The following C11orf65 variants were observed in gnomAD, a reference collection of about 807,000 sequenced individuals.
C11orf65 encodes protein MFI.
C11orf65 carries 38 observed loss-of-function variants against 35.3 expected under a neutral mutation model. The ratio of observed to expected loss-of-function variants is 1.08; its 90% CI spans 0.83 to 1.41. C11orf65 has a LOEUF of 1.41. C11orf65 is among the 40% of genes most tolerant of loss of function. The probability of loss-of-function intolerance (pLI) is 0.00; values close to 1 mark genes in which losing one functional copy is unlikely to be tolerated. For synonymous variants in C11orf65, 105 were observed against 114.4 expected, an observed-to-expected ratio of 0.92 and a Z score of 0.53; for missense variants, 370 against 367.1, an observed-to-expected ratio of 1.01 and a Z score of -0.06.
intron 5 of C11orf65, 66 bp downstream of exon 5, chr11:108,406,697 A>T: frequency 9.7e-7 from 1 of 1,034,966 alleles, no homozygotes; most frequent in Non-Finnish European, 1.3e-6. Flanking sequence ...TTTAAAATTA[A>T]TTTTTGAAAA....
At chr11:108,450,322 C>G (rs1388844248) in intron 2 of C11orf65, among the ~76,000 whole-genome samples, 1 of 151,742 alleles carries the variant, frequency 6.6e-6, no homozygotes, top group African/African-American at 2.4e-5. Context: ...GACACATGCA[C>G]ACGTATGTTT....
chr11:108,337,218 G>A (rs1041852720), intron 2 of C11orf65, among the ~76,000 whole-genome samples: 1 of 152,086 alleles, frequency 6.6e-6, no homozygotes, highest in Non-Finnish European at 1.5e-5. Context: ...GTTGGGAGAG[G>A]GGCATACTGT....
At chr11:108,456,218 T>G (rs1007271677) in intron 2 of C11orf65, among the ~76,000 whole-genome samples, 1 of 152,114 alleles carries the variant, frequency 6.6e-6, no homozygotes. Context: ...AGAAACACTT[T>G]ACATATATGA....
At chr11:108,339,708 A>G (rs2136821072) in intron 2 of C11orf65, among the ~76,000 whole-genome samples, 1 of 152,232 alleles carries the variant, frequency 6.6e-6, no homozygotes. Context: ...TTCTGTATCA[A>G]TCTCTCAACA....
intron 3 of C11orf65, 76 bp downstream of exon 3, chr11:108,431,670 G>A (rs1591540242): frequency 5.4e-6 from 4 of 741,172 alleles, no homozygotes; most frequent in Non-Finnish European, 6.1e-6. Context: ...CAAATATGAT[G>A]AGCACACTGA....
At chr11:108,432,173 G>A (rs2092999392) in intron 2 of C11orf65, among the ~76,000 whole-genome samples, 1 of 152,146 alleles carries the variant, frequency 6.6e-6, no homozygotes, top group Non-Finnish European at 1.5e-5. Context: ...GAACCACTGA[G>A]TATGGGATAC....
At chr11:108,350,022 G>C (rs777194732) in intron 2 of C11orf65, among the ~76,000 whole-genome samples, 2 of 152,130 alleles carry the variant, frequency 1.3e-5, no homozygotes, top group Non-Finnish European at 2.9e-5. Context: ...ATGCTCATTT[G>C]CTAAGAATTG....
Position 108,316,594 on chromosome 11 carries a change from T to TA in C11orf65, c.641-7524_641-7523insT, listed in dbSNP as rs2084670106. On this transcript the variant is annotated intron_variant, in intron 6 of 6. Transcript: ENST00000525729. ...CTATTTTTGTGTTTTTTGGGAAACA[T>TA]TAAACGATATTTTGGGATTAAAAAA... Among the ~76,000 whole-genome samples, 7 of 152,108 alleles carry TA rather than the reference T, an allele frequency of 4.6e-5. No homozygotes were observed. The South Asian group carries it at 1.5e-3, about 32-fold the overall frequency.
chr11:108,332,008 G>A lies in C11orf65; in HGVS notation c.300-441C>T, dbSNP rs1285491916. On this transcript the variant is annotated intron_variant, in intron 3 of 3. Coordinates refer to the C11orf65 transcript ENST00000524755. ...CAGAAGAAGCAGAATAACTAAAAATGTGCCTAAACAAAGCTCTCAGCTTGA... is the reference window on the plus strand; with the variant it reads ...CAGAAGAAGCAGAATAACTAAAAATATGCCTAAACAAAGCTCTCAGCTTGA... 1 of 1,613,980 alleles carries A rather than the reference G, an allele frequency of 6.2e-7. No homozygotes were observed. Among genetic ancestry groups the A allele is most frequent in the Non-Finnish European group, 8.5e-7 (1 of 1,179,928 alleles).
chr11:108,398,820 G>A (rs959973634), intron 6 of C11orf65, among the ~76,000 whole-genome samples: 1 of 152,184 alleles, frequency 6.6e-6, no homozygotes, highest in East Asian at 1.9e-4. Context: ...GATGGATAAC[G>A]CATTCTGTTA....
intron 2 of C11orf65, chr11:108,366,923 A>G (rs2091361296): frequency 4.5e-6 from 1 of 223,976 alleles, no homozygotes; most frequent in African/African-American, 2.2e-5. Flanking sequence ...TGGGTTAATG[A>G]GACTGGCAAA....
intron 3 of C11orf65, among the ~76,000 whole-genome samples, chr11:108,409,145 A>G (rs2138704329): frequency 6.6e-6 from 1 of 152,268 alleles, no homozygotes; most frequent in African/African-American, 2.4e-5. Flanking sequence ...ATAAATCTCT[A>G]AGATTCGTGT....
chr11:108,316,248 G>A, intron 6 of C11orf65: 1 of 935,434 alleles, frequency 1.1e-6, no homozygotes, highest in Non-Finnish European at 1.7e-6. Context: ...CAGAGGATTA[G>A]GCTAAACATT....
At chr11:108,326,899 C>T (rs1358950426), downstream of C11orf65, among the ~76,000 whole-genome samples, 1 of 152,180 alleles carries the variant, frequency 6.6e-6, no homozygotes, top group Non-Finnish European at 1.5e-5. Context: ...GACATCGGCT[C>T]ACCGCAACCT....
At chr11:108,315,358 AGTGT>A (rs763815870) in intron 6 of C11orf65, among the ~76,000 whole-genome samples, 3 of 152,102 alleles carry the variant, frequency 2.0e-5, no homozygotes, top group African/African-American at 4.8e-5. Context: ...TGCTGTGTAC[AGTGT>A]GTGTGTGTAA....
intron 3 of C11orf65, 42 bp downstream of exon 3, chr11:108,431,704 T>C (rs778842318): frequency 4.6e-6 from 5 of 1,075,782 alleles, no homozygotes; most frequent in South Asian, 4.7e-5. Context: ...TCACATTTTA[T>C]GGAAAAATAT....
chr11:108,453,939 CTTTAATT>C (rs1049621492), intron 2 of C11orf65, among the ~76,000 whole-genome samples: 2 of 152,160 alleles, frequency 1.3e-5, no homozygotes, highest in Admixed American at 6.5e-5. Flanking sequence ...ATGCTCTCCT[CTTTAATT>C]TTTTGAAAGA....
At chr11:108,453,711 G>A (rs1002223253) in intron 2 of C11orf65, among the ~76,000 whole-genome samples, 3 of 152,124 alleles carry the variant, frequency 2.0e-5, no homozygotes, top group Admixed American at 6.6e-5. Flanking sequence ...TGTGGTCATC[G>A]CATTTATTGA....
At position 108,434,053 on chromosome 11, in the gene C11orf65, T is replaced by C. The variant is rs12360724; in HGVS notation, c.82-2215A>G. Among the ~76,000 whole-genome samples the C allele has an allele frequency of 6.0e-3, 919 of 152,226 alleles. 7 individuals carry two copies. The highest frequency in any genetic ancestry group is 0.01 in the East Asian group (54 of 5,190). On this transcript the variant is annotated intron_variant, in intron 2 of 8. Coordinates refer to ENST00000393084, the MANE Select transcript of C11orf65 (RefSeq NM_152587.5). ...GGCACCAAGTGAGAAGATGCTTGTG[T>C]CGTATGTGAATGCTCACCAAAGAAC...
Sources: gnomAD v4.1 joint callset for allele counts (sites outside exome capture counted in the v4.1 genomes callset) on GRCh38, gnomAD v4.1.1 for gene constraint, MANE v1.5 for transcripts, NCBI Gene and HGNC (gene_info 2026-07-23, HGNC 2026-07-21) for gene names.